The following TMEM50A variants were observed in gnomAD, a reference collection of about 807,000 sequenced individuals.
TMEM50A encodes the protein cervical cancer oncogene 9.
In TMEM50A, 8 loss-of-function variants were observed where a neutral mutation model predicts 23.9. The ratio of observed to expected loss-of-function variants is 0.33; its 90% CI spans 0.20 to 0.60. TMEM50A has a LOEUF of 0.60. Ranked by LOEUF, TMEM50A falls within the 20% of genes least tolerant of loss-of-function variation. The pLI is 0.81. For synonymous variants in TMEM50A, 55 were observed against 60.4 expected (o/e 0.91, Z 0.41); for missense variants, 178 against 192.7 (o/e 0.92, Z 0.45).
Position 25,351,698 on chromosome 1 carries a change from A to G in TMEM50A, c.274+5A>G, listed in dbSNP as rs1220648553. ...AAGGTTGTCTGGGTCAAACAGGTAAATAGGTGCAAACAGCATCTTATTATA... is the reference window on the plus strand; with the variant it reads ...AAGGTTGTCTGGGTCAAACAGGTAAGTAGGTGCAAACAGCATCTTATTATA... On this transcript the variant is annotated splice_donor_5th_base_variant and intron_variant, in intron 4 of 6. Transcript: ENST00000374358. The G allele has an allele frequency of 6.2e-7, 1 of 1,611,828 alleles. No homozygotes were observed. The highest frequency in any genetic ancestry group is 8.5e-7 in the Non-Finnish European group (1 of 1,179,180).
chr1:25,356,386 C>G (rs747545092), intron 5 of TMEM50A, among the ~76,000 whole-genome samples: 1 of 152,228 alleles, frequency 6.6e-6, no homozygotes, highest in Non-Finnish European at 1.5e-5. Context: ...CGTGTCCTTA[C>G]TCCAGTGTCA....
At chr1:25,352,799 C>A in intron 4 of TMEM50A, 83 bp from the exon 5 acceptor site, 1 of 1,134,574 alleles carries the variant, frequency 8.8e-7, no homozygotes, top group Non-Finnish European at 1.2e-6. Context: ...TTTTTTTTTT[C>A]TGTTTGGGTT....
chr1:25,343,034 A>G lies in TMEM50A; in HGVS notation c.167A>G (p.Tyr56Cys). ...YPTMKDFNHS[Y>C]HACGVIATIA... ...ACCATGAAAGATTTCAACCACTCATACCATGCCTGTGGTGTTATAGCAACC... is the reference window on the plus strand; with the variant it reads ...ACCATGAAAGATTTCAACCACTCATGCCATGCCTGTGGTGTTATAGCAACC... The change falls in exon 3 of 7, where the codon TAC becomes TGC. Residue 56 changes from tyrosine (Y) to cysteine (C), a missense_variant. Tyr to Cys is a radical substitution (Grantham distance 194, BLOSUM62 -2). Coordinates refer to ENST00000374358, the MANE Select transcript of TMEM50A (RefSeq NM_014313.4). 6.2e-7 allele frequency: 1 copy of G among 1,613,684 alleles called. No individual in the cohort carries two copies. The highest frequency in any genetic ancestry group is 8.5e-7 in the Non-Finnish European group (1 of 1,179,858).
In TMEM50A at chr1:25,352,191, G is replaced by A. The variant is rs531030494; in HGVS notation, c.274+498G>A. Among the ~76,000 whole-genome samples the A allele has an allele frequency of 5.3e-5, 8 of 152,210 alleles. No homozygotes were observed. In the South Asian group the frequency reaches 1.4e-3, roughly 28 times the overall value. On this transcript the variant is annotated intron_variant, in intron 4 of 6. Transcript: ENST00000374358. ...TGTATGTCTGTGTTACTGTTTGAAA[G>A]TACTCTTGGAAGATCTGGGAGCGGC...
intron 6 of TMEM50A, 69 bp from the exon 7 acceptor site, chr1:25,360,591 T>C: frequency 6.4e-7 from 1 of 1,557,956 alleles, no homozygotes; most frequent in Non-Finnish European, 8.8e-7. Context: ...TTTCACACCA[T>C]TCTCGAAATC....
chr1:25,353,263 A>G (rs1645299465), intron 5 of TMEM50A, among the ~76,000 whole-genome samples: 1 of 152,138 alleles, frequency 6.6e-6, no homozygotes. Context: ...AGCAGAACAT[A>G]TGTTATCTAG....
At chr1:25,343,960 CT>C (rs1158654749) in intron 3 of TMEM50A, among the ~76,000 whole-genome samples, 1 of 152,164 alleles carries the variant, frequency 6.6e-6, no homozygotes, top group East Asian at 1.9e-4. Flanking sequence ...AAGAACTTTA[CT>C]TTCAGCTGGA....
At chr1:25,355,626 G>T (rs1043824722) in intron 5 of TMEM50A, among the ~76,000 whole-genome samples, 3 of 152,140 alleles carry the variant, frequency 2.0e-5, no homozygotes, top group African/African-American at 7.2e-5. Flanking sequence ...GTTATTTAAC[G>T]TGAAATAGTG....
chr1:25,354,917 G>A (rs1442553680), intron 5 of TMEM50A, among the ~76,000 whole-genome samples: 4 of 151,708 alleles, frequency 2.6e-5, no homozygotes, highest in African/African-American at 9.7e-5. Flanking sequence ...GATTACAGGC[G>A]CCTGCCGCCA....
At chr1:25,356,655 A>G in intron 5 of TMEM50A, 138 bp from the exon 6 acceptor site, 1 of 626,172 alleles carries the variant, frequency 1.6e-6, no homozygotes, top group East Asian at 2.9e-5. Context: ...GTTACACATT[A>G]TGTCTTTTAA....
At chr1:25,358,816 C>T (rs1645363384) in intron 6 of TMEM50A, among the ~76,000 whole-genome samples, 1 of 152,182 alleles carries the variant, frequency 6.6e-6, no homozygotes, top group African/African-American at 2.4e-5. Context: ...ACAGTAGAGG[C>T]CTCTAATAAC....
chr1:25,350,312 G>A (rs1285636399), intron 3 of TMEM50A, among the ~76,000 whole-genome samples: 1 of 152,120 alleles, frequency 6.6e-6, no homozygotes, highest in Non-Finnish European at 1.5e-5. Context: ...ACATACAAAT[G>A]GAATATCAGA....
chr1:25,346,058 G>A (rs1645212620), intron 3 of TMEM50A, among the ~76,000 whole-genome samples: 1 of 152,052 alleles, frequency 6.6e-6, no homozygotes, highest in African/African-American at 2.4e-5. Flanking sequence ...AAAGTGCTGG[G>A]ATTACAGGCG....
At chr1:25,345,512 G>A (rs780109966) in intron 3 of TMEM50A, among the ~76,000 whole-genome samples, 3 of 151,824 alleles carry the variant, frequency 2.0e-5, no homozygotes, top group Non-Finnish European at 2.9e-5. Context: ...CCCAGGAGGC[G>A]GAGGTTGCAG....
At chr1:25,342,642 A>C in intron 2 of TMEM50A, 1 of 170,230 alleles carries the variant, frequency 5.9e-6, no homozygotes. Context: ...GTCAGTTGGA[A>C]TTGGAGTCAC....
intron 3 of TMEM50A, among the ~76,000 whole-genome samples, chr1:25,343,737 T>C (rs1315186915): frequency 3.3e-5 from 5 of 152,022 alleles, no homozygotes. Context: ...AGAAGGTGAC[T>C]TTGAGTAAAG....
At chr1:25,340,679 TCTTTGACCA>T (rs1406184606) in intron 2 of TMEM50A, 100 bp downstream of exon 2, 6 of 812,916 alleles carry the variant, frequency 7.4e-6, no homozygotes, top group African/African-American at 5.3e-5. Context: ...ATTTATTTTA[TCTTTGACCA>T]CTTTGACCAT....
chr1:25,357,802 TA>T (rs1196410221), intron 6 of TMEM50A, among the ~76,000 whole-genome samples: 1 of 151,056 alleles, frequency 6.6e-6, no homozygotes, highest in African/African-American at 2.4e-5. Context: ...CACGCCTGGC[TA>T]TTTTTTTTGT....
At position 25,338,434 on chromosome 1, in the gene TMEM50A, A is replaced by C. The variant is rs1349027303; in HGVS notation, c.-36A>C. ...GCGCGGCGCGACACCGGGCTCCGGA[A>C]CCACTGCACGACGGGGCTGGACGTA... On this transcript the variant is annotated 5_prime_UTR_variant, in exon 1 of 7. Transcript: ENST00000374358. The C allele has an allele frequency of 1.3e-5, 2 of 153,094 alleles. No individual in the cohort carries two copies. The highest frequency in any genetic ancestry group is 4.8e-5 in the African/African-American group (2 of 41,596). 9.5% of individuals were successfully genotyped at this position (153,094 alleles called of 1,614,324 possible). A position where few individuals can be genotyped will look rare whatever the true frequency, so the allele number is the denominator to read the frequency against.
Sources: allele counts gnomAD v4.1 joint callset (sites outside exome capture counted in the v4.1 genomes callset), GRCh38; gene constraint gnomAD v4.1.1; transcripts MANE v1.5; gene names NCBI Gene and HGNC (gene_info 2026-07-23, HGNC 2026-07-21).